The following UFSP2 variants were observed in gnomAD, a reference collection of about 807,000 sequenced individuals.
UFSP2 encodes ufm1-specific protease 2.
A neutral mutation model predicts 60.2 loss-of-function variants in UFSP2; 43 were observed. The ratio of observed to expected loss-of-function variants is 0.71; its 90% confidence interval spans 0.56 to 0.92. UFSP2 has a LOEUF of 0.92. Ranked by LOEUF, UFSP2 falls within the 40% of genes least tolerant of loss-of-function variation. The pLI, the probability that UFSP2 is intolerant of heterozygous loss-of-function variation, is 0.00. For synonymous variants in UFSP2, 183 were observed against 195.1 expected, an observed-to-expected ratio of 0.94 and a Z score of 0.52; for missense variants, 520 against 575.0, an observed-to-expected ratio of 0.90 and a Z score of 0.98.
intron 4 of UFSP2, 130 bp from the exon 5 acceptor site, chr4:185,415,997 G>T: frequency 1.5e-6 from 1 of 662,328 alleles, no homozygotes; most frequent in Non-Finnish European, 2.4e-6. Flanking sequence ...GTACAGTAGT[G>T]AAAAGGGGGA....
At position 185,401,902 on chromosome 4, in the gene UFSP2, A is replaced by C. The variant is rs993437453; in HGVS notation, c.1324-1424T>G. Among the ~76,000 whole-genome samples, 5 of 152,318 alleles carry C rather than the reference A, an allele frequency of 3.3e-5. No homozygotes were observed. In the East Asian group the frequency reaches 9.6e-4, roughly 29 times the overall value. ...AAAGAGAAATTTGATGATGAAAATA[A>C]TTAAGGCTTCTCCCTGCCTTTAAGA... On this transcript the variant is annotated intron_variant, in intron 11 of 11. Coordinates refer to ENST00000264689, the MANE Select transcript of UFSP2 (RefSeq NM_018359.5).
chr4:185,414,556 T>C (rs2095535026), intron 6 of UFSP2, among the ~76,000 whole-genome samples: 1 of 152,168 alleles, frequency 6.6e-6, no homozygotes, highest in Non-Finnish European at 1.5e-5. Flanking sequence ...ATTCTCGCTC[T>C]CCCTAAGGAC....
chr4:185,403,516 T>A lies in UFSP2; in HGVS notation c.1301A>T (p.Asp434Val). The change falls in exon 11 of 12, where the codon GAC becomes GTC. Residue 434 changes from aspartate to valine, a missense_variant. Asp to Val is a radical substitution (Grantham distance 152, BLOSUM62 -3). Coordinates refer to ENST00000264689, the MANE Select transcript of UFSP2 (RefSeq NM_018359.5). ...ILDPHYTGAE[D>V]LQVILEKGWC... is the part of the protein sequence containing the mutation. Reference sequence around the variant, plus strand: ...TACCTTTTCCAAAATAACTTGCAGGTCTTCAGCACCGGTATAATGTGGATC... The same window carrying A: ...TACCTTTTCCAAAATAACTTGCAGGACTTCAGCACCGGTATAATGTGGATC... The A allele has an allele frequency of 6.2e-7, 1 of 1,613,444 alleles. No individual in the cohort carries two copies. Among genetic ancestry groups the A allele is most frequent in the Non-Finnish European group, 8.5e-7 (1 of 1,179,856 alleles).
intron 10 of UFSP2, 68 bp from the exon 11 acceptor site, chr4:185,403,686 AT>A: frequency 6.4e-7 from 1 of 1,573,054 alleles, no homozygotes. Flanking sequence ...TTCAATTTAA[AT>A]AGACAGATTA....
chr4:185,415,567 A>G (rs1460067428), intron 5 of UFSP2, 143 bp downstream of exon 5: 1 of 840,506 alleles, frequency 1.2e-6, no homozygotes, highest in East Asian at 2.8e-5. Context: ...TCCTCCAAAT[A>G]ACCATTTAAT....
At chr4:185,407,146 G>T (rs923842115) in intron 9 of UFSP2, among the ~76,000 whole-genome samples, 1 of 149,996 alleles carries the variant, frequency 6.7e-6, no homozygotes, top group Non-Finnish European at 1.5e-5. Flanking sequence ...CACCTCCTGG[G>T]TTCAAGCGAT....
At chr4:185,405,197 G>A (rs1158905695) in intron 10 of UFSP2, among the ~76,000 whole-genome samples, 1 of 150,182 alleles carries the variant, frequency 6.7e-6, no homozygotes, top group Non-Finnish European at 1.5e-5. Flanking sequence ...GTAGAGACGC[G>A]GTCTGGCCCA....
chr4:185,418,551 T>C (rs1252319633), intron 3 of UFSP2, 36 bp downstream of exon 3: 3 of 1,610,690 alleles, frequency 1.9e-6, no homozygotes, highest in Non-Finnish European at 2.5e-6. Context: ...AAATGATGTT[T>C]TGAAAACATT....
At chr4:185,405,951 C>T (rs780142318) in intron 9 of UFSP2, 95 bp from the exon 10 acceptor site, 8 of 1,593,240 alleles carry the variant, frequency 5.0e-6, no homozygotes, top group East Asian at 2.3e-5. Context: ...CTTGTTTTTT[C>T]GGGTGTTACT....
chr4:185,419,280 C>T (rs180732200), intron 2 of UFSP2, among the ~76,000 whole-genome samples: 68 of 152,124 alleles, frequency 4.5e-4, no homozygotes, highest in African/African-American at 1.5e-3. Context: ...TACAGGTGCC[C>T]GCCACCACAC....
In UFSP2 at chr4:185,403,420, T is replaced by C. The variant is rs2095515666; in HGVS notation, c.1323+74A>G. ...TGCCCTCAGCTTATTGTCTTTCTGT[T>C]ACCAGCCAGTTTGTGATCCTTCATT... On this transcript the variant is annotated intron_variant, in intron 11 of 11. Coordinates refer to ENST00000264689, the MANE Select transcript of UFSP2 (RefSeq NM_018359.5). The C allele has an allele frequency of 3.2e-6, 5 of 1,563,056 alleles. No individual in the cohort carries two copies. The East Asian group carries it at 9.0e-5, about 28-fold the overall frequency.
chr4:185,405,877 A>G, intron 9 of UFSP2, 21 bp from the exon 10 acceptor site: 1 of 1,614,002 alleles, frequency 6.2e-7, no homozygotes, highest in Non-Finnish European at 8.5e-7. Context: ...ACCATTTTCT[A>G]TCAGATGAAC....
intron 9 of UFSP2, among the ~76,000 whole-genome samples, chr4:185,406,784 C>G (rs1393344163): frequency 6.6e-6 from 1 of 152,148 alleles, no homozygotes; most frequent in Non-Finnish European, 1.5e-5. Flanking sequence ...CCATGTTGGC[C>G]AGGCTGGTGT....
At chr4:185,414,339 T>G (rs2095534618) in intron 6 of UFSP2, among the ~76,000 whole-genome samples, 1 of 152,228 alleles carries the variant, frequency 6.6e-6, no homozygotes, top group Non-Finnish European at 1.5e-5. Context: ...GTTAGTGGTC[T>G]AAAGCCAACC....
intron 10 of UFSP2, among the ~76,000 whole-genome samples, chr4:185,404,293 G>GTTTTTTT (rs70962562): frequency 2.5e-5 from 2 of 80,482 alleles, no homozygotes; most frequent in Admixed American, 1.6e-4. Flanking sequence ...CATTCATTAA[G>GTTTTTTT]TTTTTTTTTT....
chr4:185,401,466 T>G (rs1222246972), intron 11 of UFSP2, among the ~76,000 whole-genome samples: 5 of 152,196 alleles, frequency 3.3e-5, no homozygotes, highest in African/African-American at 1.2e-4. Flanking sequence ...CAGATCCAGA[T>G]TTTTTAAAGG....
intron 1 of UFSP2, 90 bp from the exon 2 acceptor site, chr4:185,422,653 CATTA>C (rs1394672561): frequency 1.9e-5 from 15 of 810,368 alleles, no homozygotes; most frequent in African/African-American, 1.2e-4. Flanking sequence ...AGTGTTAAGA[CATTA>C]ATTAACCTTG....
chr4:185,421,223 A>G (rs1292480073), intron 2 of UFSP2, among the ~76,000 whole-genome samples: 2 of 152,198 alleles, frequency 1.3e-5, no homozygotes, highest in South Asian at 2.1e-4. Flanking sequence ...TATTAGTTGA[A>G]GGGATGGGTG....
chr4:185,405,002 CTTT>C (rs70962563), intron 10 of UFSP2, among the ~76,000 whole-genome samples: 1 of 138,192 alleles, frequency 7.2e-6, no homozygotes, highest in Non-Finnish European at 1.5e-5. Flanking sequence ...ACCTCCATTT[CTTT>C]TTTTTTTTTT....
Sources: gnomAD v4.1 joint callset for allele counts (sites outside exome capture counted in the v4.1 genomes callset) on GRCh38, gnomAD v4.1.1 for gene constraint, MANE v1.5 for transcripts, NCBI Gene and HGNC (gene_info 2026-07-23, HGNC 2026-07-21) for gene names.